The following COL10A1 variants were observed in gnomAD, a reference collection of about 807,000 sequenced individuals.
COL10A1 encodes the protein collagen alpha-1(X) chain.
Under a neutral mutation model 18.2 loss-of-function variants are expected in COL10A1, and 10 were observed. The ratio of observed to expected loss-of-function variants is 0.55; its 90% CI spans 0.34 to 0.93. The LOEUF (loss-of-function observed/expected upper bound fraction) is 0.93, where lower values mean the gene tolerates loss of function less well. COL10A1 is among the 40% of genes least tolerant of loss of function. The pLI, the probability that COL10A1 is intolerant of heterozygous loss-of-function variation, is 0.02. For missense variants in COL10A1, 897 were observed against 853.5 expected, an observed-to-expected ratio of 1.05 and a Z score of -0.64; for synonymous variants, 330 against 316.6, an observed-to-expected ratio of 1.04 and a Z score of -0.45.
the COL10A1 span, among the ~76,000 whole-genome samples, chr6:116,164,546 A>G: frequency 6.6e-6 from 1 of 152,182 alleles, no homozygotes; most frequent in Non-Finnish European, 1.5e-5. Flanking sequence ...CCAATTTGCT[A>G]ATCTATCTCT....
chr6:116,210,715 G>T, the COL10A1 span, among the ~76,000 whole-genome samples: 1 of 151,426 alleles, frequency 6.6e-6, no homozygotes, highest in Non-Finnish European at 1.5e-5. Flanking sequence ...TTTTAAAAGT[G>T]ATATTAAGTT....
the COL10A1 span, among the ~76,000 whole-genome samples, chr6:116,189,911 T>C: frequency 6.6e-6 from 1 of 152,046 alleles, no homozygotes; most frequent in South Asian, 2.1e-4. Flanking sequence ...TGTTTTTGCC[T>C]TTTAAGATTT....
At chr6:116,190,342 G>A in the COL10A1 span, among the ~76,000 whole-genome samples, 4 of 151,914 alleles carry the variant, frequency 2.6e-5, no homozygotes, top group Non-Finnish European at 4.4e-5. Flanking sequence ...ATAAAAGGAA[G>A]CAATTTTTTA....
chr6:116,154,189 T>C (rs973776513), intron 1 of COL10A1, among the ~76,000 whole-genome samples: 1 of 152,182 alleles, frequency 6.6e-6, no homozygotes, highest in South Asian at 2.1e-4. Context: ...CTTTTGGCTA[T>C]TTAATTGTAG....
At chr6:116,172,078 G>GT in the COL10A1 span, among the ~76,000 whole-genome samples, 19 of 152,220 alleles carry the variant, frequency 1.2e-4, no homozygotes, top group African/African-American at 4.6e-4. Context: ...TGGTTTCAGT[G>GT]TTTTTTCCAT....
At chr6:116,197,564 G>C in the COL10A1 span, among the ~76,000 whole-genome samples, 2 of 152,030 alleles carry the variant, frequency 1.3e-5, no homozygotes, top group East Asian at 3.9e-4. Flanking sequence ...CTGTAGTGCA[G>C]ATAGAAGACA....
chr6:116,125,586 C>CTGTG, intron 1 of COL10A1, 79 bp from the exon 2 acceptor site: 1 of 1,273,518 alleles, frequency 7.9e-7, no homozygotes, highest in East Asian at 2.4e-5. Flanking sequence ...CAGATGAGTT[C>CTGTG]TTTATACAGT....
chr6:116,147,099 TA>T (rs745395518), intron 1 of COL10A1, among the ~76,000 whole-genome samples: 4 of 150,196 alleles, frequency 2.7e-5, no homozygotes, highest in South Asian at 2.1e-4. Flanking sequence ...CTGACAATAT[TA>T]AAAAAAAACT....
the COL10A1 span, among the ~76,000 whole-genome samples, chr6:116,190,568 T>C: frequency 6.6e-6 from 1 of 151,906 alleles, no homozygotes; most frequent in Non-Finnish European, 1.5e-5. Flanking sequence ...TAAAATTAAA[T>C]TGAGAGGGAA....
intron 2 of COL10A1, among the ~76,000 whole-genome samples, chr6:116,123,036 GAATA>G (rs768328925): frequency 1.3e-5 from 2 of 152,102 alleles, no homozygotes; most frequent in Admixed American, 6.5e-5. Context: ...GCAAATAGAG[GAATA>G]AATAAGGAAT....
At chr6:116,210,395 G>A in the COL10A1 span, among the ~76,000 whole-genome samples, 2 of 151,820 alleles carry the variant, frequency 1.3e-5, no homozygotes, top group African/African-American at 4.8e-5. Context: ...GATTTGTGGT[G>A]ACCCTGTAGT....
At chr6:116,187,125 A>G in the COL10A1 span, among the ~76,000 whole-genome samples, 4 of 151,852 alleles carry the variant, frequency 2.6e-5, no homozygotes, top group East Asian at 2.0e-4. Context: ...CAGTGATGCT[A>G]TTTCTCCTCT....
upstream of COL10A1, among the ~76,000 whole-genome samples, chr6:116,159,007 C>G (rs559183557): frequency 1.3e-4 from 20 of 152,204 alleles, no homozygotes; most frequent in African/African-American, 4.3e-4. Context: ...TAGAATAGCT[C>G]AAATACAAGT....
the COL10A1 span, among the ~76,000 whole-genome samples, chr6:116,208,933 G>A: frequency 6.6e-6 from 1 of 151,802 alleles, no homozygotes; most frequent in East Asian, 1.9e-4. Flanking sequence ...CATCATGGCT[G>A]GGGATCCACT....
chr6:116,151,836 T>G (rs774500864), intron 1 of COL10A1, among the ~76,000 whole-genome samples: 1 of 152,244 alleles, frequency 6.6e-6, no homozygotes, highest in Non-Finnish European at 1.5e-5. Context: ...TTTCTTGGTT[T>G]ATTGAGATAT....
At chr6:116,161,727 T>C (rs1307757308), upstream of COL10A1, among the ~76,000 whole-genome samples, 1 of 152,196 alleles carries the variant, frequency 6.6e-6, no homozygotes, top group Non-Finnish European at 1.5e-5. Context: ...ATGGGTTCCA[T>C]ATGAATTTTA....
At chr6:116,216,121 A>G in the COL10A1 span, among the ~76,000 whole-genome samples, 1 of 152,110 alleles carries the variant, frequency 6.6e-6, no homozygotes, top group Admixed American at 6.6e-5. Context: ...AAGAGTAAAC[A>G]CTTTAAAGAT....
intron 1 of COL10A1, among the ~76,000 whole-genome samples, chr6:116,154,343 T>C (rs1315582079): frequency 6.6e-6 from 1 of 152,216 alleles, no homozygotes; most frequent in Non-Finnish European, 1.5e-5. Context: ...TTTCTGTTCC[T>C]GTATCCTAAC....
chr6:116,201,646 T>G, the COL10A1 span, among the ~76,000 whole-genome samples: 1 of 152,116 alleles, frequency 6.6e-6, no homozygotes, highest in East Asian at 1.9e-4. Context: ...TTAGGCTTGT[T>G]TGACATCCCT....
Sources: gnomAD v4.1 joint callset for allele counts (sites outside exome capture counted in the v4.1 genomes callset) on GRCh38, gnomAD v4.1.1 for gene constraint, MANE v1.5 for transcripts, NCBI Gene and HGNC (gene_info 2026-07-23, HGNC 2026-07-21) for gene names.